FMN1: variants seen among roughly 807,000 people sequenced by gnomAD.
FMN1 encodes formin-1.
In FMN1, 110 loss-of-function variants were observed where a neutral mutation model predicts 132.4. The ratio of observed to expected loss-of-function variants is 0.83; its 90% CI spans 0.71 to 0.97. The LOEUF (loss-of-function observed/expected upper bound fraction) is 0.97. FMN1 is among the 50% of genes least tolerant of loss of function. The pLI is 0.00. For synonymous variants in FMN1, 722 were observed against 651.7 expected (o/e 1.11, Z -1.64); for missense variants, 1,792 against 1,705.3 (o/e 1.05, Z -0.90).
intron 17 of FMN1, among the ~76,000 whole-genome samples, chr15:32,832,771 TG>T (rs2058532752): frequency 6.6e-6 from 1 of 152,050 alleles, no homozygotes; most frequent in African/African-American, 2.4e-5. Context: ...AAGAGCTTTT[TG>T]AGATGGAGAC....
At chr15:32,869,003 G>T (rs2059455397) in intron 16 of FMN1, among the ~76,000 whole-genome samples, 1 of 152,158 alleles carries the variant, frequency 6.6e-6, no homozygotes, top group African/African-American at 2.4e-5. Context: ...TAGTAGCCAG[G>T]AAAGGCTCTC....
At chr15:33,035,267 AT>A (rs1458769453) in intron 6 of FMN1, among the ~76,000 whole-genome samples, 1 of 152,212 alleles carries the variant, frequency 6.6e-6, no homozygotes, top group Non-Finnish European at 1.5e-5. Context: ...AGTATCTGTG[AT>A]TTCCTATTGC....
In FMN1 at chr15:32,809,867, A is replaced by C. The variant is rs560646131; in HGVS notation, c.3929-5535T>G. ...TGCTCCTTTCAGAGTTGCAACCAAA[A>C]TCTGTTTTCAGAGTTTTTCTCTCAA... On this transcript the variant is annotated intron_variant, in intron 17 of 20. Transcript: ENST00000616417. Among the ~76,000 whole-genome samples, 4 of 152,140 alleles carry C rather than the reference A, an allele frequency of 2.6e-5. No individual in the cohort carries two copies. The East Asian group carries it at 7.7e-4, about 29-fold the overall frequency.
intron 7 of FMN1, among the ~76,000 whole-genome samples, chr15:32,985,608 A>G (rs2597094): frequency 0.51 from 78,178 of 151,986 alleles, 21,944 homozygotes; most frequent in East Asian, 0.78. Flanking sequence ...ATAAAAACTG[A>G]TTTGTATGAT....
At chr15:32,883,267 C>T (rs2059813507) in intron 16 of FMN1, among the ~76,000 whole-genome samples, 1 of 151,998 alleles carries the variant, frequency 6.6e-6, no homozygotes, top group African/African-American at 2.4e-5. Flanking sequence ...CTATGGGAGG[C>T]CAAGGCCGGA....
At chr15:33,079,531 G>A (rs1340214245) in intron 5 of FMN1, among the ~76,000 whole-genome samples, 1 of 152,254 alleles carries the variant, frequency 6.6e-6, no homozygotes, top group South Asian at 2.1e-4. Context: ...GCTGAGGCAG[G>A]AGAATCACTT....
intron 8 of FMN1, among the ~76,000 whole-genome samples, chr15:32,968,219 C>G (rs573366966): frequency 3.9e-5 from 6 of 152,286 alleles, no homozygotes; most frequent in Non-Finnish European, 8.8e-5. Flanking sequence ...ATCTAAAGAA[C>G]TAATAACTTA....
chr15:33,010,900 T>TAA (rs1436798368), intron 6 of FMN1, among the ~76,000 whole-genome samples: 9 of 143,592 alleles, frequency 6.3e-5, no homozygotes, highest in African/African-American at 1.5e-4. Flanking sequence ...CATATTTTAC[T>TAA]AAAAAAAAAA....
At chr15:32,873,174 CA>C (rs2059556468) in intron 16 of FMN1, among the ~76,000 whole-genome samples, 1 of 152,180 alleles carries the variant, frequency 6.6e-6, no homozygotes, top group African/African-American at 2.4e-5. Flanking sequence ...GCCTGTTAAG[CA>C]ATCGTCTTTT....
At chr15:33,061,525 G>A (rs1390829414) in intron 6 of FMN1, among the ~76,000 whole-genome samples, 1 of 151,898 alleles carries the variant, frequency 6.6e-6, no homozygotes, top group East Asian at 1.9e-4. Context: ...CGCTCCTCGT[G>A]AAGTTACTAA....
chr15:33,001,313 C>G (rs2034092861), intron 7 of FMN1, among the ~76,000 whole-genome samples: 1 of 152,002 alleles, frequency 6.6e-6, no homozygotes, highest in Admixed American at 6.5e-5. Flanking sequence ...TAGCAATTTA[C>G]ATTTACCTTC....
intron 6 of FMN1, among the ~76,000 whole-genome samples, chr15:33,008,934 T>C (rs145885762): frequency 6.6e-6 from 1 of 152,298 alleles, no homozygotes; most frequent in African/African-American, 2.4e-5. Flanking sequence ...AAGAAGCAGT[T>C]TGACCTCATT....
chr15:33,067,919 G>A, intron 5 of FMN1: 1 of 1,571,440 alleles, frequency 6.4e-7, no homozygotes. Context: ...GTTCTGACTT[G>A]TGTTACCTTC....
At chr15:33,069,913 T>C (rs1362291862) in intron 5 of FMN1, among the ~76,000 whole-genome samples, 2 of 150,826 alleles carry the variant, frequency 1.3e-5, no homozygotes, top group Middle Eastern at 3.2e-3. Flanking sequence ...GAAATACCCA[T>C]TGATTAAAAT....
At chr15:33,010,368 T>C (rs965720131) in intron 6 of FMN1, among the ~76,000 whole-genome samples, 1 of 152,140 alleles carries the variant, frequency 6.6e-6, no homozygotes, top group African/African-American at 2.4e-5. Context: ...TTAGGGATAA[T>C]GATATTAGAT....
intron 6 of FMN1, among the ~76,000 whole-genome samples, chr15:33,039,258 A>T (rs1172153160): frequency 6.6e-6 from 1 of 152,222 alleles, no homozygotes; most frequent in East Asian, 1.9e-4. Context: ...AATTCGAAAG[A>T]TAAAGGAACA....
chr15:32,964,032 C>CAG, intron 9 of FMN1, 75 bp downstream of exon 9: 1 of 1,019,098 alleles, frequency 9.8e-7, no homozygotes, highest in Non-Finnish European at 1.5e-6. Context: ...CACACACACA[C>CAG]ACACACACAC....
intron 11 of FMN1, among the ~76,000 whole-genome samples, chr15:32,908,853 G>A (rs866203042): frequency 7.9e-5 from 12 of 152,116 alleles, no homozygotes; most frequent in South Asian, 4.2e-4. Flanking sequence ...ACAAGTACAC[G>A]CAGCTGGACA....
At chr15:32,865,804 C>T (rs1346453380) in intron 16 of FMN1, among the ~76,000 whole-genome samples, 1 of 149,126 alleles carries the variant, frequency 6.7e-6, no homozygotes, top group African/African-American at 2.5e-5. Flanking sequence ...CCATTGCACT[C>T]CAGCCTGGGC....
Sources: allele counts gnomAD v4.1 joint callset (sites outside exome capture counted in the v4.1 genomes callset), GRCh38; gene constraint gnomAD v4.1.1; transcripts MANE v1.5; gene names NCBI Gene and HGNC (gene_info 2026-07-23, HGNC 2026-07-21).